PALB2: variants seen among roughly 807,000 people sequenced by gnomAD.
The protein encoded by PALB2 is mutant partner and localizer of BRCA2.
A neutral mutation model predicts 107.4 loss-of-function variants in PALB2; 82 were observed. The observed-to-expected ratio is 0.76, with a 90% CI of 0.64 to 0.92. The LOEUF is 0.92. Ranked by LOEUF, PALB2 falls within the 40% of genes least tolerant of loss-of-function variation. The pLI is 0.00. For missense variants in PALB2, 1,374 were observed against 1,379.9 expected (o/e 1.00, Z 0.07); for synonymous variants, 489 against 496.8 (o/e 0.98, Z 0.21).
chr16:23,621,749 C>G (rs139903695), intron 9 of PALB2, among the ~76,000 whole-genome samples: 1 of 152,160 alleles, frequency 6.6e-6, no homozygotes, highest in Non-Finnish European at 1.5e-5. Flanking sequence ...TTTCTGCATT[C>G]CTATCTCAAT....
At chr16:23,609,440 C>CT (rs1376616263) in intron 11 of PALB2, among the ~76,000 whole-genome samples, 1 of 152,112 alleles carries the variant, frequency 6.6e-6, no homozygotes, top group Non-Finnish European at 1.5e-5. Context: ...GGGAAAAAAA[C>CT]TGAGGATTTA....
chr16:23,638,216 G>T, intron 1 of PALB2, 87 bp from the exon 2 acceptor site: 7 of 1,031,016 alleles, frequency 6.8e-6, no homozygotes, highest in Admixed American at 3.4e-5. Flanking sequence ...GGGTCCCTTG[G>T]CAAGAGGCAG....
Position 23,630,076 on chromosome 16 carries a change from T to G in PALB2, c.2078A>C (p.His693Pro). The change falls in exon 5 of 13, where the codon CAT becomes CCT. Residue 693 changes from histidine (H) to proline (P), a missense_variant. Transcript: ENST00000261584. ...GGATGAAGAAAGGCCCGTCTTTGTA[T>G]GCTGGCTTTGCGAGTTTGGCCTTTT... ...HPKRPNSQSQ[H>P]TKTGLSSSIL... The G allele has an allele frequency of 6.2e-7, 1 of 1,614,230 alleles. No individual in the cohort carries two copies. Among genetic ancestry groups the G allele is most frequent in the African/African-American group, 1.3e-5 (1 of 75,060 alleles).
intron 11 of PALB2, among the ~76,000 whole-genome samples, chr16:23,611,459 T>C (rs780177239): frequency 8.2e-4 from 121 of 147,132 alleles, no homozygotes; most frequent in East Asian, 6.1e-4. Context: ...TTATTATTAT[T>C]ATTATTATTT....
chr16:23,640,263 G>A (rs569129827), intron 1 of PALB2: 1 of 191,900 alleles, frequency 5.2e-6, no homozygotes, highest in South Asian at 1.9e-4. Flanking sequence ...TCCACCAGAA[G>A]GTAAGCCAGG....
chr16:23,638,639 T>G (rs1387435659), intron 1 of PALB2: 5 of 436,116 alleles, frequency 1.1e-5, no homozygotes, highest in Admixed American at 2.7e-5. Context: ...GTGCTCCAGA[T>G]GCTATTCTAG....
At position 23,635,619 on chromosome 16, in the gene PALB2, T is replaced by C; in HGVS notation, c.927A>G (p.Ile309Met). Residue 309 changes from isoleucine to methionine, a missense_variant, in exon 4 of 13, where the codon ATA (isoleucine) becomes ATG (methionine). Transcript: ENST00000261584. ...TTGTGGGCAGTTGGCCACTTTTACT[T>C]ATAGCTTTATTTACAAGGAGGTTAT... ...STDNLLVNKA[I>M]SKSGQLPTSS... 6 of 1,614,146 alleles carry C rather than the reference T, an allele frequency of 3.7e-6. No homozygotes were observed. The highest frequency in any genetic ancestry group is 5.1e-6 in the Non-Finnish European group (6 of 1,179,984).
chr16:23,613,607 G>A (rs1966626445), intron 11 of PALB2, among the ~76,000 whole-genome samples: 1 of 151,466 alleles, frequency 6.6e-6, no homozygotes, highest in Admixed American at 6.6e-5. Context: ...TCGCGCCATT[G>A]CACTCCAGCC....
Position 23,637,924 on chromosome 16 carries a change from T to C in PALB2, c.137A>G (p.His46Arg), listed in dbSNP as rs1290624507. 1.2e-6 allele frequency: 2 copies of C among 1,613,964 alleles called. No homozygotes were observed. The highest frequency in any genetic ancestry group is 2.7e-5 in the African/African-American group (2 of 74,904). The change falls in exon 3 of 13, where the codon CAT (histidine) becomes CGT (arginine). Residue 46 changes from histidine to arginine, a missense_variant. Coordinates refer to ENST00000261584, the MANE Select transcript of PALB2 (RefSeq NM_024675.4). Reference sequence around the variant, plus strand: ...TTCTTCTACTGTTTTCTTAATAGAATGCTTAATCTTTTCAGCTCTTTGGGC... The same window carrying C: ...TTCTTCTACTGTTTTCTTAATAGAACGCTTAATCTTTTCAGCTCTTTGGGC... ...QRAQRAEKIK[H>R]SIKKTVEEQD...
intron 6 of PALB2, among the ~76,000 whole-genome samples, chr16:23,627,936 T>C (rs1431390834): frequency 6.6e-6 from 1 of 152,206 alleles, no homozygotes; most frequent in African/African-American, 2.4e-5. Context: ...GACTAAGTTA[T>C]TAGGACACTG....
At position 23,641,115 on chromosome 16, in the gene PALB2, C is replaced by T. The variant is rs730881884; in HGVS notation, c.43G>A (p.Glu15Lys). 6 of 1,613,468 alleles carry T rather than the reference C, an allele frequency of 3.7e-6. No homozygotes were observed. The highest frequency in any genetic ancestry group is 2.2e-5 in the South Asian group (2 of 90,946). ...CCTTCCCGCACCCCCGGCACCTTTT[C>T]CTTCTCCTCACAGCTGAGGGGCTTC... is the stretch of plus-strand genomic sequence containing the variant. ...PGKPLSCEEK[E>K]KLKEKLAFLK... Residue 15 changes from glutamate to lysine, a missense_variant, in exon 1 of 13, where the codon GAA becomes AAA. By Grantham distance (56) the Glu-to-Lys change is moderately conservative (BLOSUM62 1). Coordinates refer to ENST00000261584, the MANE Select transcript of PALB2 (RefSeq NM_024675.4).
chr16:23,633,188 A>T (rs912413189), intron 4 of PALB2, among the ~76,000 whole-genome samples: 5 of 152,274 alleles, frequency 3.3e-5, no homozygotes, highest in African/African-American at 4.8e-5. Flanking sequence ...TTCGCTTAAA[A>T]GATGATGAAA....
At position 23,624,050 on chromosome 16, in the gene PALB2, G is replaced by C. The variant is rs1039677524; in HGVS notation, c.2793C>G (p.Leu931=). The C allele has an allele frequency of 6.2e-7, 1 of 1,608,014 alleles. No individual in the cohort carries two copies. Among genetic ancestry groups the C allele is most frequent in the Non-Finnish European group, 8.5e-7 (1 of 1,174,812 alleles). The change falls in exon 8 of 13, where the codon CTC becomes CTG. Residue 931 remains leucine, a synonymous_variant. Coordinates refer to ENST00000261584, the MANE Select transcript of PALB2 (RefSeq NM_024675.4). ...QIVPVPDVYN[L]VCVALGNLEI... ...CCAAATTTCCCAAAGCTACACACAC[G>C]AGATTATACACATCAGGCACTGGAA...
At chr16:23,624,974 T>C (rs1034084063) in intron 7 of PALB2, among the ~76,000 whole-genome samples, 1 of 152,104 alleles carries the variant, frequency 6.6e-6, no homozygotes, top group Non-Finnish European at 1.5e-5. Context: ...GGAGTACAAA[T>C]ATCAGCAAGT....
Position 23,636,042 on chromosome 16 carries a change from T to G in PALB2, c.504A>C (p.Ser168=), listed in dbSNP as rs754500464. Residue 168 remains serine (S), a synonymous_variant, in exon 4 of 13, where the codon TCA becomes TCC. Coordinates refer to ENST00000261584, the MANE Select transcript of PALB2 (RefSeq NM_024675.4). ...TTAGTCTTTTCCCAGACAATCTGAG[T>G]GAATCAGTGCCAAAGACACAGTCTC... ...QERDCVFGTD[S]LRLSGKRLKE... 1 of 1,613,984 alleles carries G rather than the reference T, an allele frequency of 6.2e-7. No homozygotes were observed. Among genetic ancestry groups the G allele is most frequent in the Non-Finnish European group, 8.5e-7 (1 of 1,180,030 alleles).
Position 23,635,918 on chromosome 16 carries a change from G to A in PALB2, c.628C>T (p.Pro210Ser), listed in dbSNP as rs878976819. ...TCATTAATTTCTGTAACTGGTTCTGGAGAATCTGGAAGTTCAGATTTAAGA... is the reference window on the plus strand; with the variant it reads ...TCATTAATTTCTGTAACTGGTTCTGAAGAATCTGGAAGTTCAGATTTAAGA... ...LSLKSELPDSPEPVTEINEDS... is the reference protein window; with the variant it reads ...LSLKSELPDSSEPVTEINEDS... The change falls in exon 4 of 13, where the codon CCA becomes TCA. Residue 210 changes from proline (P) to serine (S), a missense_variant. Physicochemically the swap from Pro to Ser is moderately conservative, Grantham distance 74 (BLOSUM62 -1). Transcript: ENST00000261584. 1 of 1,614,122 alleles carries A rather than the reference G, an allele frequency of 6.2e-7. No homozygotes were observed. Among genetic ancestry groups the A allele is most frequent in the Non-Finnish European group, 8.5e-7 (1 of 1,180,034 alleles).
chr16:23,629,344 TC>T, intron 5 of PALB2, 69 bp from the exon 6 acceptor site: 1 of 1,335,328 alleles, frequency 7.5e-7, no homozygotes. Context: ...TACCCACTCA[TC>T]AAAATGTCTA....
rs864622291 is a variant in PALB2, at chr16:23,635,089, T to A, written c.1457A>T (p.Lys486Ile). ...AGTGGGCCCAGCGGGAGAGCTGACT[T>A]TAGTTAATGAGAGAAGTTTCTGAGA... The part of the protein sequence containing the change: ...RTSQKLLSLT[K>I]VSSPAGPTED... The change falls in exon 4 of 13, where the codon AAA (lysine) becomes ATA (isoleucine). Residue 486 changes from lysine (K) to isoleucine (I), a missense_variant. By Grantham distance (102) the Lys-to-Ile change is moderately radical. Coordinates refer to ENST00000261584, the MANE Select transcript of PALB2 (RefSeq NM_024675.4). The A allele has an allele frequency of 1.9e-6, 3 of 1,614,110 alleles. No homozygotes were observed. In the East Asian group the frequency reaches 6.7e-5, roughly 36 times the overall value.
intron 1 of PALB2, chr16:23,638,574 G>C (rs138223673): frequency 3.3e-5 from 15 of 456,726 alleles, no homozygotes; most frequent in Middle Eastern, 3.3e-4. Flanking sequence ...TCCGTTAATG[G>C]TCCAGGTATC....
Sources: gnomAD v4.1 joint callset for allele counts (sites outside exome capture counted in the v4.1 genomes callset) on GRCh38, gnomAD v4.1.1 for gene constraint, MANE v1.5 for transcripts, NCBI Gene and HGNC (gene_info 2026-07-23, HGNC 2026-07-21) for gene names.